HEXA: variants seen among roughly 807,000 people sequenced by gnomAD.
The protein encoded by HEXA is beta-hexosaminidase subunit alpha.
Under a neutral mutation model 73.3 loss-of-function variants are expected in HEXA, and 54 were observed. The observed-to-expected ratio is 0.74, with a 90% confidence interval of 0.59 to 0.92. The LOEUF (loss-of-function observed/expected upper bound fraction) is 0.92, where lower values mean the gene tolerates loss of function less well. Ranked by LOEUF, HEXA falls within the 40% of genes least tolerant of loss-of-function variation. The probability of loss-of-function intolerance (pLI) is 0.00; values close to 1 mark genes in which losing one functional copy is unlikely to be tolerated. For synonymous variants in HEXA, 230 were observed against 246.9 expected (o/e 0.93, Z 0.64); for missense variants, 649 against 653.0 (o/e 0.99, Z 0.07).
chr15:72,357,262 G>C (rs768004663), intron 1 of HEXA: 1 of 164,776 alleles, frequency 6.1e-6, no homozygotes, highest in African/African-American at 2.4e-5. Context: ...GCAGATGACA[G>C]AAGGATCAGG....
In HEXA at chr15:72,371,598, A is replaced by G. The variant is rs1407281322; in HGVS notation, c.253+4122T>C. Among the ~76,000 whole-genome samples, 46 of 150,476 alleles carry G rather than the reference A, an allele frequency of 3.1e-4. 2 individuals are homozygous for G. Among genetic ancestry groups the G allele is most frequent in the Non-Finnish European group, 2.9e-5 (2 of 67,910 alleles). The stretch of plus-strand genomic sequence containing the variant: ...AAGACCCTGTCTCTAAAAGAAAAAA[A>G]AAAAAAAAAAAAAAAGAAAACAAAA... On this transcript the variant is annotated intron_variant, in intron 1 of 13. Transcript: ENST00000268097.
intron 1 of HEXA, among the ~76,000 whole-genome samples, chr15:72,368,226 A>ATTTGAAG (rs1348700034): frequency 6.6e-6 from 1 of 152,202 alleles, no homozygotes; most frequent in African/African-American, 2.4e-5. Flanking sequence ...GTTACTACCT[A>ATTTGAAG]TTTGAAGTAA....
At position 72,348,059 on chromosome 15, in the gene HEXA, G is replaced by A; in HGVS notation, c.1062C>T (p.Phe354=). The change falls in exon 9 of 14, where the codon TTC becomes TTT. Residue 354 remains phenylalanine (F), a synonymous_variant. Transcript: ENST00000268097. ...CCTTCCTTCCTCACGTCTGGATGTA[G>A]AAGGACTCCAGCTGCTTGAAGTCCT... ...FGEDFKQLES[F]YIQTLLDIVS... is the part of the protein sequence containing the mutation. 2 of 1,607,586 alleles carry A rather than the reference G, an allele frequency of 1.2e-6. No homozygotes were observed. The highest frequency in any genetic ancestry group is 2.7e-5 in the African/African-American group (2 of 74,944).
chr15:72,353,309 T>A, intron 4 of HEXA, 131 bp from the exon 5 acceptor site: 1 of 710,234 alleles, frequency 1.4e-6, no homozygotes. Flanking sequence ...GCTCTCTCCC[T>A]AAATGCTCCC....
intron 1 of HEXA, chr15:72,358,704 G>A (rs1219312980): frequency 1.3e-5 from 2 of 152,170 alleles, no homozygotes; most frequent in African/African-American, 2.4e-5. Flanking sequence ...ATCTGGGTTT[G>A]GGCTGAAAGA....
At chr15:72,362,039 G>T (rs2088858320) in intron 1 of HEXA, among the ~76,000 whole-genome samples, 1 of 152,190 alleles carries the variant, frequency 6.6e-6, no homozygotes, top group Admixed American at 6.5e-5. Context: ...ATACAGTCCA[G>T]AATTCACTGG....
chr15:72,362,503 A>G (rs1360351533), intron 1 of HEXA: 1 of 455,658 alleles, frequency 2.2e-6, no homozygotes, highest in African/African-American at 2.0e-5. Flanking sequence ...CAAAAAATGC[A>G]TATTTTATGA....
In HEXA at chr15:72,375,921, C is replaced by T; in HGVS notation, c.52G>A (p.Gly18Arg). Residue 18 changes from glycine (G) to arginine (R), a missense_variant, in exon 1 of 14, where the codon GGA (glycine) becomes AGA (arginine). Physicochemically the swap from Gly to Arg is moderately radical, Grantham distance 125. Coordinates refer to ENST00000268097, the MANE Select transcript of HEXA (RefSeq NM_000520.6). ...FSLLLAAAFA[G>R]RATALWPWPQ... ...CAGGGCCAGAGGGCCGTCGCCCGTC[C>T]TGCGAACGCTGCCGCCAGCAGCAGC... 2 of 1,614,140 alleles carry T rather than the reference C, an allele frequency of 1.2e-6. No homozygotes were observed. The highest frequency in any genetic ancestry group is 1.6e-4 in the Middle Eastern group (1 of 6,062).
intron 11 of HEXA, 57 bp downstream of exon 11, chr15:72,346,470 C>A: frequency 6.4e-7 from 1 of 1,573,398 alleles, no homozygotes; most frequent in Non-Finnish European, 8.7e-7. Context: ...TCCTGCCTCC[C>A]ATCCTGTGCC....
chr15:72,343,377 CAG>C lies in HEXA; in HGVS notation c.*698_*699del, dbSNP rs1379774735. On this transcript the variant is annotated 3_prime_UTR_variant, in exon 14 of 14. Coordinates refer to ENST00000268097, the MANE Select transcript of HEXA (RefSeq NM_000520.6). ...GCCACTGCACTGTCAGCCTGGGCGA[CAG>C]AGTTTTTGAGACAGTCTCAAAAACA... The C allele has an allele frequency of 1.3e-5, 2 of 152,206 alleles. No homozygotes were observed. The highest frequency in any genetic ancestry group is 2.1e-4 in the South Asian group (1 of 4,830). The allele number at this position is 152,206 out of a possible 1,614,324, so 9.4% of individuals were successfully genotyped here.
intron 1 of HEXA, among the ~76,000 whole-genome samples, chr15:72,363,410 T>C (rs1323773032): frequency 6.6e-6 from 1 of 152,218 alleles, no homozygotes; most frequent in Non-Finnish European, 1.5e-5. Flanking sequence ...AGTGGGATCT[T>C]GAACCCTGAA....
At position 72,353,736 on chromosome 15, in the gene HEXA, A is replaced by G. The variant is rs1361295729; in HGVS notation, c.414T>C (p.Gly138=). 1 of 1,609,818 alleles carries G rather than the reference A, an allele frequency of 6.2e-7. No individual in the cohort carries two copies. The highest frequency in any genetic ancestry group is 2.2e-5 in the East Asian group (1 of 44,862). The part of the protein sequence containing the change: ...LSETVWGALR[G]LETFSQLVWK... ...AAACAAGCTGGCTAAAAGTCTCCAG[A>G]CCTAGGAAGATGTAGAGAGGCAGAG... Residue 138 remains glycine, a splice_region_variant and synonymous_variant, in exon 4 of 14, where the codon GGT becomes GGC. Coordinates refer to ENST00000268097, the MANE Select transcript of HEXA (RefSeq NM_000520.6).
intron 12 of HEXA, 68 bp from the exon 13 acceptor site, chr15:72,345,618 G>A: frequency 1.3e-6 from 2 of 1,594,860 alleles, no homozygotes; most frequent in African/African-American, 1.3e-5. Flanking sequence ...ACATCCACAG[G>A]CTGCTACCTC....
chr15:72,367,266 C>T (rs927428278), intron 1 of HEXA, among the ~76,000 whole-genome samples: 1 of 152,112 alleles, frequency 6.6e-6, no homozygotes, highest in Non-Finnish European at 1.5e-5. Context: ...TACTCCTTCC[C>T]TTCCTCTCCT....
At chr15:72,368,551 C>T (rs996544223) in intron 1 of HEXA, among the ~76,000 whole-genome samples, 1 of 152,210 alleles carries the variant, frequency 6.6e-6, no homozygotes, top group Admixed American at 6.5e-5. Context: ...TGTTCTACTT[C>T]CCTTTTCCCA....
At chr15:72,358,647 T>C (rs1015901990) in intron 1 of HEXA, 1 of 152,128 alleles carries the variant, frequency 6.6e-6, no homozygotes, top group African/African-American at 2.4e-5. Flanking sequence ...CTCCCTGCCA[T>C]CAATCTCATG....
intron 6 of HEXA, 182 bp from the exon 7 acceptor site, chr15:72,350,832 T>G: frequency 1.5e-6 from 1 of 664,502 alleles, no homozygotes; most frequent in South Asian, 1.7e-5. Context: ...CTGTTTTATC[T>G]GAGTATCATA....
chr15:72,371,772 G>A (rs1451168483), intron 1 of HEXA, among the ~76,000 whole-genome samples: 1 of 152,088 alleles, frequency 6.6e-6, no homozygotes, highest in African/African-American at 2.4e-5. Context: ...AGATTATAAT[G>A]AACTATGCCA....
intron 1 of HEXA, chr15:72,362,520 T>TA (rs1470991024): frequency 8.8e-6 from 4 of 455,312 alleles, no homozygotes; most frequent in Non-Finnish European, 1.8e-5. Flanking sequence ...ATGATTGTGC[T>TA]ATGTGATAAT....
Sources: allele counts gnomAD v4.1 joint callset (sites outside exome capture counted in the v4.1 genomes callset), GRCh38; gene constraint gnomAD v4.1.1; transcripts MANE v1.5; gene names NCBI Gene and HGNC (gene_info 2026-07-23, HGNC 2026-07-21).